Variants in OR4K17 observed in about 807,000 individuals in gnomAD.
The protein encoded by OR4K17 is olfactory receptor family 4 subfamily K member 17, also known as olfactory receptor 4K17.
For missense variants in OR4K17, 480 were observed against 366.3 expected (o/e 1.31, Z -2.53); for synonymous variants, 157 against 132.8 (o/e 1.18, Z -1.25).
In OR4K17 at chr14:20,118,006, T is replaced by C. The variant is rs1296171968; in HGVS notation, c.507T>C (p.Cys169=). 1 of 1,614,206 alleles carries C rather than the reference T, an allele frequency of 6.2e-7. No homozygotes were observed. The change falls in exon 2 of 2, where the codon TGT becomes TGC. Residue 169 remains cysteine, a synonymous_variant. Transcript: ENST00000641386. ...QIPFAVNLPF[C]GPNVVDSIFC... is the part of the protein sequence containing the mutation. Reference sequence around the variant, plus strand: ...CATTTGCTGTGAACTTGCCCTTTTGTGGTCCCAATGTGGTAGACAGCATTT... The same window carrying C: ...CATTTGCTGTGAACTTGCCCTTTTGCGGTCCCAATGTGGTAGACAGCATTT...
intron 1 of OR4K17, among the ~76,000 whole-genome samples, chr14:20,115,847 A>T (rs752652978): frequency 2.6e-5 from 4 of 152,098 alleles, no homozygotes; most frequent in Non-Finnish European, 5.9e-5. Context: ...ATTTTTAAAA[A>T]CTTACTAAGA....
At chr14:20,115,102 A>G (rs116963292) in intron 1 of OR4K17, among the ~76,000 whole-genome samples, 2,698 of 152,192 alleles carry the variant, frequency 0.018, 40 homozygotes, top group Non-Finnish European at 0.029. Context: ...GAATGACTGT[A>G]AGAACTTGGA....
chr14:20,112,410 C>T (rs149199178), intron 1 of OR4K17, among the ~76,000 whole-genome samples: 4 of 152,102 alleles, frequency 2.6e-5, no homozygotes, highest in East Asian at 3.9e-4. Context: ...ATTTCTGTCC[C>T]GCAGTTAACA....
chr14:20,117,571 G>T lies in OR4K17; in HGVS notation c.72G>T (p.Glu24Asp). ...LLGLTSSQDV[E>D]FLLFALFSVI... is the part of the protein sequence containing the mutation. Reference sequence around the variant, plus strand: ...GACTGACCAGCTCCCAGGATGTAGAGTTTCTTCTCTTTGCCCTCTTCTCGG... The same window carrying T: ...GACTGACCAGCTCCCAGGATGTAGATTTTCTTCTCTTTGCCCTCTTCTCGG... Residue 24 changes from glutamate (E) to aspartate (D), a missense_variant, in exon 2 of 2, where the codon GAG becomes GAT. Glu to Asp is a conservative substitution (Grantham distance 45, BLOSUM62 2). Transcript: ENST00000641386. 2 of 1,613,948 alleles carry T rather than the reference G, an allele frequency of 1.2e-6. No homozygotes were observed. Among genetic ancestry groups the T allele is most frequent in the Non-Finnish European group, 1.7e-6 (2 of 1,179,974 alleles).
rs1878155095 is a variant in OR4K17 at position 20,121,048 on chromosome 14, G to A, written c.*2610G>A. ...CTGCTGCACCTTCACAATAGTCAGA[G>A]CAGTTGTGTTTTACTCAACCAATCC... is the stretch of plus-strand genomic sequence containing the variant. On this transcript the variant is annotated 3_prime_UTR_variant, in exon 2 of 2. Transcript: ENST00000641386. The A allele has an allele frequency of 1.3e-5, 2 of 152,202 alleles. No individual in the cohort carries two copies. Among genetic ancestry groups the A allele is most frequent in the South Asian group, 4.1e-4 (2 of 4,830 alleles). 9.4% of individuals were successfully genotyped at this position (152,202 alleles called of 1,614,324 possible). A position where few individuals can be genotyped will look rare whatever the true frequency, so the allele number is the denominator to read the frequency against.
Position 20,120,728 on chromosome 14 carries a change from T to A in OR4K17, c.*2290T>A, listed in dbSNP as rs1013674633. ...CACAGATCTATAGTACCTCCATTCA[T>A]ACCTGCGCTTATGGCTCCAGATCCA... On this transcript the variant is annotated 3_prime_UTR_variant, in exon 2 of 2. Coordinates refer to ENST00000641386, the MANE Select transcript of OR4K17 (RefSeq NM_001004715.5). 1 of 152,304 alleles carries A rather than the reference T, an allele frequency of 6.6e-6. No homozygotes were observed. Among genetic ancestry groups the A allele is most frequent in the Non-Finnish European group, 1.5e-5 (1 of 68,128 alleles). The allele number at this position is 152,304 out of a possible 1,614,324, so 9.4% of individuals were successfully genotyped here.
intron 1 of OR4K17, among the ~76,000 whole-genome samples, chr14:20,115,678 T>C (rs759738824): frequency 5.3e-5 from 8 of 152,066 alleles, no homozygotes; most frequent in Non-Finnish European, 1.0e-4. Flanking sequence ...TTAAACTTTC[T>C]GAAGCATACA....
rs1407802350 is a variant in OR4K17, at chr14:20,120,358, G to A, written c.*1920G>A. ...AAGAATTCATGAAGATACCTTTATG[G>A]TTGTTAATATTATAAAATCTCACTT... On this transcript the variant is annotated 3_prime_UTR_variant, in exon 2 of 2. Transcript: ENST00000641386. The A allele has an allele frequency of 6.6e-6, 1 of 152,030 alleles. No individual in the cohort carries two copies. The highest frequency in any genetic ancestry group is 1.5e-5 in the Non-Finnish European group (1 of 68,002). The allele number at this position is 152,030 out of a possible 1,614,324, so 9.4% of individuals were successfully genotyped here.
At chr14:20,115,312 T>A (rs1198462890) in intron 1 of OR4K17, among the ~76,000 whole-genome samples, 2 of 152,092 alleles carry the variant, frequency 1.3e-5, no homozygotes, top group African/African-American at 2.4e-5. Flanking sequence ...GCAAAAATAA[T>A]CTCTTTGTTA....
Position 20,118,174 on chromosome 14 carries a change from TA to T in OR4K17, c.677del (p.Lys226ArgfsTer15). ...CCTACAGTCTGATCCTCATAACCATTAAGAACCACTCTCCTACTGGGCAATC... is the reference window on the plus strand; with the variant it reads ...CCTACAGTCTGATCCTCATAACCATTAGAACCACTCTCCTACTGGGCAATC... ...ISYSLILITI[K>X]NHSPTGQSKA... On this transcript the variant is annotated frameshift_variant, in exon 2 of 2. Transcript: ENST00000641386. LOFTEE classifies it low-confidence loss of function (END_TRUNC). 1 of 1,614,144 alleles carries T rather than the reference TA, an allele frequency of 6.2e-7. No homozygotes were observed. The highest frequency in any genetic ancestry group is 8.5e-7 in the Non-Finnish European group (1 of 1,180,002).
intron 1 of OR4K17, chr14:20,111,961 T>G (rs892910439): frequency 1.3e-5 from 2 of 152,060 alleles, no homozygotes; most frequent in African/African-American, 4.8e-5. Flanking sequence ...AAGATCCACT[T>G]TCTCTTCATG....
At chr14:20,115,869 G>A (rs1023523504) in intron 1 of OR4K17, among the ~76,000 whole-genome samples, 2 of 151,992 alleles carry the variant, frequency 1.3e-5, no homozygotes, top group Admixed American at 6.6e-5. Context: ...AGGAGATAAA[G>A]ATATATCACA....
intron 1 of OR4K17, among the ~76,000 whole-genome samples, chr14:20,113,000 A>G (rs1313365035): frequency 6.6e-6 from 1 of 152,052 alleles, no homozygotes; most frequent in African/African-American, 2.4e-5. Flanking sequence ...AGATCAGATC[A>G]CTATTAAAGT....
rs1878144452 is a variant in OR4K17, at chr14:20,120,661, G to C, written c.*2223G>C. The C allele has an allele frequency of 6.6e-6, 1 of 152,310 alleles. No individual in the cohort carries two copies. Among genetic ancestry groups the C allele is most frequent in the South Asian group, 2.1e-4 (1 of 4,826 alleles). The allele number at this position is 152,310 out of a possible 1,614,324, so 9.4% of individuals were successfully genotyped here. On this transcript the variant is annotated 3_prime_UTR_variant, in exon 2 of 2. Coordinates refer to ENST00000641386, the MANE Select transcript of OR4K17 (RefSeq NM_001004715.5). ...GCATACCATTATAGTTTGGGCAGTG[G>C]AATTCCTGGGCCCAGATACTGCTGC... is the stretch of plus-strand genomic sequence containing the variant.
At chr14:20,113,542 A>G (rs1212732099) in intron 1 of OR4K17, among the ~76,000 whole-genome samples, 1 of 152,072 alleles carries the variant, frequency 6.6e-6, no homozygotes, top group Non-Finnish European at 1.5e-5. Context: ...TTTACACACT[A>G]TTTTAATTTA....
chr14:20,117,738 A>G lies in OR4K17; in HGVS notation c.239A>G (p.Lys80Arg). 1 of 1,613,860 alleles carries G rather than the reference A, an allele frequency of 6.2e-7. No homozygotes were observed. Among genetic ancestry groups the G allele is most frequent in the Non-Finnish European group, 8.5e-7 (1 of 1,179,938 alleles). The change falls in exon 2 of 2, where the codon AAG (lysine) becomes AGG (arginine). Residue 80 changes from lysine (K) to arginine (R), a missense_variant. By Grantham distance (26) the Lys-to-Arg change is conservative. Coordinates refer to ENST00000641386, the MANE Select transcript of OR4K17 (RefSeq NM_001004715.5). ...DMTLASFATPKVILNLLKKQK... is the reference protein window; with the variant it reads ...DMTLASFATPRVILNLLKKQK... ...ACCCTTGCTTCTTTTGCCACCCCTA[A>G]GGTGATTCTGAACTTGTTAAAAAAG...
intron 1 of OR4K17, chr14:20,112,218 G>A (rs772894512): frequency 5.9e-5 from 9 of 152,002 alleles, no homozygotes; most frequent in South Asian, 2.1e-4. Context: ...TTAGTTTCTC[G>A]CTAGAGCATA....
rs942051016 is a variant in OR4K17 at position 20,118,678 on chromosome 14, A to G, written c.*240A>G. ...GTTCCGTGATGCCCCCCAAGCTGCAAAACCAGCAAGTTTTTATTATGGATT... is the reference window on the plus strand; with the variant it reads ...GTTCCGTGATGCCCCCCAAGCTGCAGAACCAGCAAGTTTTTATTATGGATT... On this transcript the variant is annotated 3_prime_UTR_variant, in exon 2 of 2. Coordinates refer to ENST00000641386, the MANE Select transcript of OR4K17 (RefSeq NM_001004715.5). The G allele has an allele frequency of 1.3e-4, 43 of 323,310 alleles. No homozygotes were observed. The highest frequency in any genetic ancestry group is 2.3e-4 in the Admixed American group (5 of 21,576). The allele number at this position is 323,310 out of a possible 1,614,324, so 20.0% of individuals were successfully genotyped here.
At chr14:20,112,390 T>C (rs1372082616) in intron 1 of OR4K17, among the ~76,000 whole-genome samples, 1 of 152,030 alleles carries the variant, frequency 6.6e-6, no homozygotes, top group Non-Finnish European at 1.5e-5. Flanking sequence ...CTCTCTGCTT[T>C]GGAAAACTCA....
Sources: gnomAD v4.1 joint callset for allele counts (sites outside exome capture counted in the v4.1 genomes callset) on GRCh38, gnomAD v4.1.1 for gene constraint, MANE v1.5 for transcripts, NCBI Gene and HGNC (gene_info 2026-07-23, HGNC 2026-07-21) for gene names.